Variants in TBCE observed in about 807,000 individuals in gnomAD.
The protein encoded by TBCE is tubulin-specific chaperone E.
TBCE carries 53 observed loss-of-function variants against 77.0 expected under a neutral mutation model. The ratio of observed to expected loss-of-function variants is 0.69; its 90% confidence interval spans 0.55 to 0.87. The LOEUF (loss-of-function observed/expected upper bound fraction) is 0.87, where lower values mean the gene tolerates loss of function less well. Ranked by LOEUF, TBCE falls within the 40% of genes least tolerant of loss-of-function variation. The probability of loss-of-function intolerance (pLI) is 0.00; values close to 1 mark genes in which losing one functional copy is unlikely to be tolerated. For synonymous variants in TBCE, 235 were observed against 241.3 expected (o/e 0.97, Z 0.24); for missense variants, 624 against 622.4 (o/e 1.00, Z -0.03).
At chr1:235,409,666 A>T (rs1162030908) in intron 3 of TBCE, among the ~76,000 whole-genome samples, 1 of 151,230 alleles carries the variant, frequency 6.6e-6, no homozygotes, top group African/African-American at 2.4e-5. Context: ...ACAGTAATAA[A>T]GATCTGTTCA....
chr1:235,436,226 TC>T (rs1362845977), intron 9 of TBCE, 159 bp from the exon 10 acceptor site: 1 of 683,618 alleles, frequency 1.5e-6, no homozygotes, highest in Non-Finnish European at 2.6e-6. Context: ...GATAAAGAGT[TC>T]ACTTTGCATG....
At chr1:235,373,091 T>C (rs1438410379) in intron 1 of TBCE, among the ~76,000 whole-genome samples, 1 of 152,068 alleles carries the variant, frequency 6.6e-6, no homozygotes, top group East Asian at 1.9e-4. Flanking sequence ...CCCAGCACTT[T>C]GGGAATCCTC....
chr1:235,418,323 A>C (rs1423101668), intron 4 of TBCE: 1 of 152,210 alleles, frequency 6.6e-6, no homozygotes, highest in Non-Finnish European at 1.5e-5. Context: ...GGCCTTTTAG[A>C]GATGTGAAGT....
At chr1:235,442,764 T>C (rs2102940311) in intron 14 of TBCE, 88 bp from the exon 15 acceptor site, 2 of 1,270,758 alleles carry the variant, frequency 1.6e-6, no homozygotes, top group Admixed American at 3.8e-5. Context: ...AATACCTCTA[T>C]CATTTGGCCA....
intron 3 of TBCE, among the ~76,000 whole-genome samples, chr1:235,413,185 G>A (rs905087905): frequency 1.3e-5 from 2 of 152,050 alleles, no homozygotes; most frequent in Non-Finnish European, 2.9e-5. Context: ...GTGAGATGTT[G>A]TCTCTTAAAA....
chr1:235,430,362 T>C (rs1229726434), intron 6 of TBCE: 1 of 236,812 alleles, frequency 4.2e-6, no homozygotes, highest in Non-Finnish European at 8.3e-6. Flanking sequence ...AACGGGACTT[T>C]GTTTTGCAGT....
In TBCE at chr1:235,433,007, T is replaced by C; in HGVS notation, c.661-1197T>C. The C allele has an allele frequency of 2.6e-6, 4 of 1,522,302 alleles. No homozygotes were observed. The South Asian group carries it at 3.7e-5, about 14-fold the overall frequency. 94.3% of individuals were successfully genotyped at this position (1,522,302 alleles called of 1,614,324 possible). A position where few individuals can be genotyped will look rare whatever the true frequency, so the allele number is the denominator to read the frequency against. ...GACATGCAGAAAGACGCCAGCAAGT[T>C]CGTGGATCTGTGCGTGCTGCAGAAA... is the stretch of plus-strand genomic sequence containing the variant. On this transcript the variant is annotated intron_variant, in intron 7 of 16. Transcript: ENST00000642610.
Position 235,449,253 on chromosome 1 carries a change from T to C in TBCE, c.*491T>C, listed in dbSNP as rs1682741560. The C allele has an allele frequency of 5.8e-6, 1 of 173,086 alleles. No individual in the cohort carries two copies. Among genetic ancestry groups the C allele is most frequent in the Non-Finnish European group, 1.2e-5 (1 of 80,080 alleles). 10.7% of individuals were successfully genotyped at this position (173,086 alleles called of 1,614,324 possible). ...ATTATCTGTCTTCTCAGTTGCACTATTTCTAAGAGTACTTAAATTAATCAC... is the reference window on the plus strand; with the variant it reads ...ATTATCTGTCTTCTCAGTTGCACTACTTCTAAGAGTACTTAAATTAATCAC... On this transcript the variant is annotated 3_prime_UTR_variant, in exon 17 of 17. Coordinates refer to ENST00000642610, the MANE Select transcript of TBCE (RefSeq NM_003193.5).
chr1:235,394,113 C>T (rs1426987124), intron 2 of TBCE, among the ~76,000 whole-genome samples: 2 of 152,108 alleles, frequency 1.3e-5, no homozygotes, highest in South Asian at 4.1e-4. Context: ...CTCGCTCTGT[C>T]GCTCAGGCTG....
At chr1:235,375,286 T>G (rs1677228874) in intron 1 of TBCE, among the ~76,000 whole-genome samples, 1 of 152,156 alleles carries the variant, frequency 6.6e-6, no homozygotes, top group African/African-American at 2.4e-5. Flanking sequence ...AAGTGGGCTA[T>G]CTTCATTAGT....
rs529069043 is a variant in TBCE, at chr1:235,404,939, C to T, written c.185+3352C>T. Among the ~76,000 whole-genome samples, 590 of 148,382 alleles carry T rather than the reference C, an allele frequency of 4.0e-3. 4 individuals carry two copies. Among genetic ancestry groups the T allele is most frequent in the African/African-American group, 0.014 (562 of 40,008 alleles). The stretch of plus-strand genomic sequence containing the variant: ...CCTCCCAAAGTGCTGGGATTATAGG[C>T]GTGAGCCACCATGCCCGGTACTTTT... On this transcript the variant is annotated intron_variant, in intron 3 of 16. Transcript: ENST00000642610.
intron 2 of TBCE, among the ~76,000 whole-genome samples, chr1:235,398,662 A>T: frequency 6.9e-6 from 1 of 144,370 alleles, no homozygotes. Flanking sequence ...TCCATTGCTC[A>T]GGCTGGAGTG....
intron 7 of TBCE, chr1:235,433,225 A>C (rs1681208613): frequency 7.9e-7 from 1 of 1,259,600 alleles, no homozygotes; most frequent in Admixed American, 3.7e-5. Context: ...CGTCATCTCA[A>C]CTATTTGGTT....
intron 3 of TBCE, among the ~76,000 whole-genome samples, chr1:235,404,960 C>CT (rs71174427): frequency 3.3e-3 from 415 of 125,992 alleles, no homozygotes; most frequent in Middle Eastern, 9.2e-3. Flanking sequence ...ATGCCCGGTA[C>CT]TTTTTTTTTT....
chr1:235,436,709 A>C (rs1006950416), intron 11 of TBCE, 101 bp downstream of exon 11: 4 of 1,197,066 alleles, frequency 3.3e-6, no homozygotes, highest in Middle Eastern at 1.9e-4. Context: ...AAGAAATTTA[A>C]ATCGAAAGAG....
At chr1:235,404,602 G>T (rs1679309877) in intron 3 of TBCE, among the ~76,000 whole-genome samples, 1 of 151,942 alleles carries the variant, frequency 6.6e-6, no homozygotes, top group Non-Finnish European at 1.5e-5. Flanking sequence ...ACTAAACTTA[G>T]AAGTTTTTTC....
At chr1:235,441,397 TC>T (rs1572445152) in intron 13 of TBCE, 1 of 263,430 alleles carries the variant, frequency 3.8e-6, no homozygotes, top group East Asian at 1.0e-4. Flanking sequence ...GCACCAGGTT[TC>T]TGTCAGCGCA....
intron 1 of TBCE, among the ~76,000 whole-genome samples, chr1:235,378,826 A>G (rs1677449436): frequency 1.3e-5 from 2 of 152,144 alleles, no homozygotes; most frequent in African/African-American, 2.4e-5. Context: ...GTGCCACTGC[A>G]CTCCAGCCTG....
intron 2 of TBCE, among the ~76,000 whole-genome samples, chr1:235,389,019 C>G (rs750429937): frequency 4.6e-5 from 7 of 152,182 alleles, no homozygotes; most frequent in Non-Finnish European, 1.0e-4. Context: ...AAGATGCTTT[C>G]TACAGTAGAC....
Sources: gnomAD v4.1 joint callset for allele counts (sites outside exome capture counted in the v4.1 genomes callset) on GRCh38, gnomAD v4.1.1 for gene constraint, MANE v1.5 for transcripts, NCBI Gene and HGNC (gene_info 2026-07-23, HGNC 2026-07-21) for gene names.